The following MAGI2 variants were observed in gnomAD, a reference collection of about 807,000 sequenced individuals.
The protein encoded by MAGI2 is membrane associated guanylate kinase, WW and PDZ domain containing 2.
Under a neutral mutation model 133.3 loss-of-function variants are expected in MAGI2, and 35 were observed. The ratio of observed to expected loss-of-function variants is 0.26; its 90% CI spans 0.20 to 0.35. The LOEUF (loss-of-function observed/expected upper bound fraction) is 0.35. Among genes scored for constraint, MAGI2 ranks in the 10% least tolerant of loss-of-function variants. MAGI2 has a pLI of 1.00. For missense variants in MAGI2, 1,636 were observed against 1,863.4 expected (o/e 0.88, Z 2.25); for synonymous variants, 729 against 710.6 (o/e 1.03, Z -0.41).
intron 3 of MAGI2, among the ~76,000 whole-genome samples, chr7:78,531,652 T>A (rs1481483891): frequency 6.6e-6 from 1 of 152,226 alleles, no homozygotes; most frequent in Non-Finnish European, 1.5e-5. Flanking sequence ...ATTCTTGTGA[T>A]AGTCATCTTA....
intron 2 of MAGI2, among the ~76,000 whole-genome samples, chr7:78,713,264 T>C (rs1272524941): frequency 6.6e-6 from 1 of 152,180 alleles, no homozygotes; most frequent in East Asian, 1.9e-4. Context: ...AAAGTGCTAA[T>C]TAAATAATTC....
chr7:78,503,400 A>C (rs1794789027), intron 4 of MAGI2, among the ~76,000 whole-genome samples: 1 of 152,006 alleles, frequency 6.6e-6, no homozygotes. Context: ...TCTCATCTTG[A>C]ATTGTAATCC....
chr7:79,368,738 C>T (rs1271373850), intron 1 of MAGI2, among the ~76,000 whole-genome samples: 3 of 147,456 alleles, frequency 2.0e-5, no homozygotes, highest in African/African-American at 5.0e-5. Flanking sequence ...GTCCCAGCTA[C>T]TTGGGAGGCT....
chr7:78,220,573 T>C (rs959060928), intron 10 of MAGI2, among the ~76,000 whole-genome samples: 7 of 151,754 alleles, frequency 4.6e-5, no homozygotes, highest in Non-Finnish European at 4.4e-5. Context: ...TTTGATACTT[T>C]GGTTTTTTAA....
At chr7:79,234,356 G>C (rs1831678624) in intron 1 of MAGI2, among the ~76,000 whole-genome samples, 1 of 151,570 alleles carries the variant, frequency 6.6e-6, no homozygotes, top group Non-Finnish European at 1.5e-5. Flanking sequence ...TGTTAGATTG[G>C]GGAAGTTCTC....
rs575693756 is a variant in MAGI2, at chr7:78,398,217, T to C, written c.1046-29004A>G. ...CAGAAATCGAAACAGCAGCATTGAC[T>C]CAGTTGACTCAGATAATAATATCTG... On this transcript the variant is annotated intron_variant, in intron 6 of 21. Transcript: ENST00000354212. 4.9e-4 allele frequency among the ~76,000 whole-genome samples: 74 copies of C among 152,280 alleles called. 3 individuals are homozygous for C. The South Asian group carries it at 0.015, about 30-fold the overall frequency.
intron 3 of MAGI2, among the ~76,000 whole-genome samples, chr7:78,541,114 C>T (rs565348498): frequency 4.6e-5 from 7 of 152,214 alleles, no homozygotes; most frequent in Non-Finnish European, 1.0e-4. Context: ...TGACTCCTAT[C>T]CACCATTTAT....
intron 6 of MAGI2, among the ~76,000 whole-genome samples, chr7:78,390,544 G>A (rs28394402): frequency 0.16 from 24,558 of 150,660 alleles, 2,140 homozygotes; most frequent in South Asian, 0.23. Flanking sequence ...GCATGTTATG[G>A]TAGAAGTGGG....
chr7:79,304,203 C>CTGTGTGTGTGTGTGTG (rs1184824177), intron 1 of MAGI2, among the ~76,000 whole-genome samples: 1,526 of 135,442 alleles, frequency 0.011, 43 homozygotes, highest in African/African-American at 0.034. Context: ...GTGTGTGTGT[C>CTGTGTGTGTGTGTGTG]TGTGTGTGTG....
At chr7:78,221,707 C>T (rs778822933) in intron 10 of MAGI2, among the ~76,000 whole-genome samples, 2 of 151,774 alleles carry the variant, frequency 1.3e-5, no homozygotes, top group Non-Finnish European at 2.9e-5. Context: ...TTTAAAAATA[C>T]CAAGGCCAGG....
chr7:78,758,210 T>C (rs980998883), intron 2 of MAGI2, among the ~76,000 whole-genome samples: 6 of 152,200 alleles, frequency 3.9e-5, no homozygotes, highest in Admixed American at 3.3e-4. Context: ...TAAATATGTA[T>C]ATATTTTTAC....
intron 10 of MAGI2, among the ~76,000 whole-genome samples, chr7:78,204,526 T>C (rs1435544769): frequency 3.3e-5 from 5 of 152,330 alleles, no homozygotes; most frequent in African/African-American, 1.2e-4. Context: ...ATAGTAATAG[T>C]AATAGTTTGT....
At position 78,782,375 on chromosome 7, in the gene MAGI2, C is replaced by T. The variant is rs1004444242; in HGVS notation, c.419-155136G>A. 1.5e-4 allele frequency among the ~76,000 whole-genome samples: 23 copies of T among 152,104 alleles called. 1 individual carries two copies. The highest frequency in any genetic ancestry group is 5.3e-4 in the African/African-American group (22 of 41,422). ...CTTCTTTTTGCCTACCCACAGTAGG[C>T]CGAGAGTCAGTGCGGGGCAGGTGAG... is the stretch of plus-strand genomic sequence containing the variant. On this transcript the variant is annotated intron_variant, in intron 2 of 21. Coordinates refer to ENST00000354212, the MANE Select transcript of MAGI2 (RefSeq NM_012301.4).
At chr7:79,162,437 A>G (rs1158571324) in intron 1 of MAGI2, among the ~76,000 whole-genome samples, 3 of 152,038 alleles carry the variant, frequency 2.0e-5, no homozygotes, top group Admixed American at 1.3e-4. Context: ...CCCAGGGACT[A>G]TCGAGGAAGA....
intron 1 of MAGI2, among the ~76,000 whole-genome samples, chr7:79,072,358 T>C (rs1377615568): frequency 6.6e-6 from 1 of 152,212 alleles, no homozygotes; most frequent in East Asian, 1.9e-4. Context: ...TTGTATAGTA[T>C]ATCAGATTTA....
chr7:78,328,401 A>T (rs957664478), intron 9 of MAGI2, among the ~76,000 whole-genome samples: 3 of 151,814 alleles, frequency 2.0e-5, no homozygotes, highest in Non-Finnish European at 2.9e-5. Context: ...AATATATAGG[A>T]TATATTTAAG....
intron 1 of MAGI2, among the ~76,000 whole-genome samples, chr7:79,451,546 A>G (rs10274368): frequency 0.044 from 6,677 of 152,204 alleles, 462 homozygotes; most frequent in African/African-American, 0.15. Context: ...ATCTCAATTT[A>G]TTACCTCTTA....
At chr7:78,529,668 G>GTTTATTTTTTTTTTTTTTT (rs1797279474) in intron 3 of MAGI2, among the ~76,000 whole-genome samples, 1 of 57,382 alleles carries the variant, frequency 1.7e-5, no homozygotes, top group African/African-American at 5.5e-5. Flanking sequence ...AAAGGAGATG[G>GTTTATTTTTTTTTTTTTTT]TTTTTTTTTT....
intron 10 of MAGI2, among the ~76,000 whole-genome samples, chr7:78,237,762 G>A (rs973770636): frequency 2.6e-5 from 4 of 152,262 alleles, no homozygotes; most frequent in Admixed American, 2.0e-4. Context: ...AAGAGACAAT[G>A]TGTATTCCGC....
Sources: allele counts gnomAD v4.1 joint callset (sites outside exome capture counted in the v4.1 genomes callset), GRCh38; gene constraint gnomAD v4.1.1; transcripts MANE v1.5; gene names NCBI Gene and HGNC (gene_info 2026-07-23, HGNC 2026-07-21).